TMEM62: variants seen among roughly 807,000 people sequenced by gnomAD.
The protein encoded by TMEM62 is transmembrane protein 62.
In TMEM62, 41 loss-of-function variants were observed where a neutral mutation model predicts 70.4. That is an observed-to-expected ratio of 0.58 (90% CI 0.45 to 0.76). The LOEUF is 0.76. TMEM62 is among the 30% of genes least tolerant of loss of function. The pLI, the probability that TMEM62 is intolerant of heterozygous loss-of-function variation, is 0.00. For missense variants in TMEM62, 688 were observed against 788.5 expected, an observed-to-expected ratio of 0.87 and a Z score of 1.53; for synonymous variants, 268 against 291.0, an observed-to-expected ratio of 0.92 and a Z score of 0.80.
At chr15:43,179,147 C>A (rs1478361627) in intron 12 of TMEM62, among the ~76,000 whole-genome samples, 1 of 152,070 alleles carries the variant, frequency 6.6e-6, no homozygotes, top group Non-Finnish European at 1.5e-5. Flanking sequence ...GCCTGTAGTT[C>A]CAGCTACTTG....
Position 43,178,715 on chromosome 15 carries a change from A to G in TMEM62, c.1486+4A>G. The G allele has an allele frequency of 6.5e-7, 1 of 1,549,100 alleles. No individual in the cohort carries two copies. The highest frequency in any genetic ancestry group is 8.8e-7 in the Non-Finnish European group (1 of 1,131,642). The stretch of plus-strand genomic sequence containing the variant: ...TTGACCCTGTATACAGTGCTGGGTA[A>G]GTAAATTAGTACAGATTATGGGGAA... On this transcript the variant is annotated splice_donor_region_variant and intron_variant, in intron 12 of 13. Coordinates refer to ENST00000260403, the MANE Select transcript of TMEM62 (RefSeq NM_024956.4).
chr15:43,184,473 T>TTGGAGAGACAC lies in TMEM62; in HGVS notation c.1821_1822insGAGAGACACTG (p.Arg608GlufsTer8), dbSNP rs751018881. ...CACCCTAGCTTTTTTATTCTCCCCT[T>TTGGAGAGACAC]TGCGGACCTGGTTGACACTGCTGAC... is the stretch of plus-strand genomic sequence containing the variant. On this transcript the variant is annotated frameshift_variant, in exon 14 of 14. Transcript: ENST00000260403. LOFTEE classifies it high-confidence loss of function. The TTGGAGAGACAC allele has an allele frequency of 1.2e-6, 2 of 1,614,204 alleles. No individual in the cohort carries two copies. Among genetic ancestry groups the TTGGAGAGACAC allele is most frequent in the Non-Finnish European group, 8.5e-7 (1 of 1,180,040 alleles).
chr15:43,145,500 T>A (rs1358232284), intron 4 of TMEM62, among the ~76,000 whole-genome samples: 2 of 152,128 alleles, frequency 1.3e-5, no homozygotes, highest in Admixed American at 1.3e-4. Flanking sequence ...CCACCGCGCC[T>A]GGCCCTGAAA....
chr15:43,162,946 T>C (rs905171707), intron 10 of TMEM62, among the ~76,000 whole-genome samples: 1 of 151,602 alleles, frequency 6.6e-6, no homozygotes, highest in African/African-American at 2.4e-5. Context: ...ATAAATTATT[T>C]ATTATTTATA....
In TMEM62 at chr15:43,149,040, C is replaced by T. The variant is rs778311588; in HGVS notation, c.755C>T (p.Ala252Val). The change falls in exon 7 of 14, where the codon GCT becomes GTT. Residue 252 changes from alanine (A) to valine (V), a missense_variant. Coordinates refer to ENST00000260403, the MANE Select transcript of TMEM62 (RefSeq NM_024956.4). The stretch of plus-strand genomic sequence containing the variant: ...TTTTCATTGGTTAGTTCGGCTATAG[C>T]TTATTTGTGTGGACATCTCCATACA... The part of the protein sequence containing the change: ...GIRSIMSSAI[A>V]YLCGHLHTLG... 3.1e-6 allele frequency: 5 copies of T among 1,614,006 alleles called. No homozygotes were observed. In the African/African-American group the frequency reaches 5.3e-5, roughly 17 times the overall value.
chr15:43,162,021 C>G (rs2038766553), intron 10 of TMEM62, among the ~76,000 whole-genome samples: 1 of 151,968 alleles, frequency 6.6e-6, no homozygotes, highest in Non-Finnish European at 1.5e-5. Flanking sequence ...TACCTTTATT[C>G]TCTTTTGCTG....
intron 13 of TMEM62, among the ~76,000 whole-genome samples, chr15:43,183,560 C>T (rs1308536164): frequency 6.6e-6 from 1 of 152,176 alleles, no homozygotes; most frequent in East Asian, 1.9e-4. Context: ...TCCTTCTGGC[C>T]TCTGAGAGCC....
intron 8 of TMEM62, among the ~76,000 whole-genome samples, chr15:43,152,587 GT>G (rs1400890238): frequency 6.6e-6 from 1 of 152,012 alleles, no homozygotes; most frequent in Non-Finnish European, 1.5e-5. Flanking sequence ...TAGAGAGAGG[GT>G]TTCACCGCGT....
At chr15:43,134,236 T>C in intron 1 of TMEM62, 21 bp from the exon 2 acceptor site, 2 of 1,609,920 alleles carry the variant, frequency 1.2e-6, no homozygotes, top group Non-Finnish European at 1.7e-6. Context: ...GATCTCTCTG[T>C]TCAATACCTG....
chr15:43,148,488 C>T lies in TMEM62; in HGVS notation c.619-267C>T, dbSNP rs1286804166. On this transcript the variant is annotated intron_variant, in intron 5 of 13. Coordinates refer to ENST00000260403, the MANE Select transcript of TMEM62 (RefSeq NM_024956.4). ...ACAAAGCTGTAAAGATTAGTGATGA[C>T]TTCATTTCGCAGTTTCCTTATCTAT... 3.9e-5 allele frequency among the ~76,000 whole-genome samples: 6 copies of T among 152,274 alleles called. No homozygotes were observed. In the East Asian group the frequency reaches 1.2e-3, roughly 29 times the overall value.
chr15:43,181,830 A>T (rs2041358748), intron 13 of TMEM62, among the ~76,000 whole-genome samples: 1 of 152,236 alleles, frequency 6.6e-6, no homozygotes, highest in Non-Finnish European at 1.5e-5. Context: ...TGAAGTGTTT[A>T]TAAGAGGTGA....
chr15:43,137,179 A>AT (rs2035344912), intron 3 of TMEM62, among the ~76,000 whole-genome samples: 1 of 152,234 alleles, frequency 6.6e-6, no homozygotes, highest in African/African-American at 2.4e-5. Context: ...TCCTGATGGT[A>AT]GTGTATTTGT....
At chr15:43,138,715 A>G (rs957025579) in intron 4 of TMEM62, 96 bp downstream of exon 4, 7 of 1,044,174 alleles carry the variant, frequency 6.7e-6, no homozygotes, top group Non-Finnish European at 8.7e-6. Context: ...TTAAAAAAAC[A>G]TTTTAAGAGG....
chr15:43,148,552 A>G (rs911282537), intron 5 of TMEM62, among the ~76,000 whole-genome samples: 34 of 152,328 alleles, frequency 2.2e-4, no homozygotes, highest in African/African-American at 7.9e-4. Flanking sequence ...TTGCAGAGTT[A>G]TTTTTAGTAT....
At position 43,167,268 on chromosome 15, in the gene TMEM62, C is replaced by A. The variant is rs961344299; in HGVS notation, c.1297-2325C>A. On this transcript the variant is annotated intron_variant, in intron 10 of 13. Transcript: ENST00000260403. ...CGGCTGGCCGAGCGGGGGGCTGACC[C>A]CCCCACCTCCCTCCCGGACGGGGTG... is the stretch of plus-strand genomic sequence containing the variant. 6.6e-5 allele frequency among the ~76,000 whole-genome samples: 10 copies of A among 151,812 alleles called. No individual in the cohort carries two copies. In the East Asian group the frequency reaches 1.4e-3, roughly 21 times the overall value.
At chr15:43,162,447 G>C (rs1234484797) in intron 10 of TMEM62, among the ~76,000 whole-genome samples, 1 of 111,242 alleles carries the variant, frequency 9.0e-6, no homozygotes, top group Non-Finnish European at 1.7e-5. Flanking sequence ...TTTTTTTTTT[G>C]TTGAGCTGGA....
In TMEM62 at chr15:43,133,790, G is replaced by C. The variant is rs544348336; in HGVS notation, c.-13G>C. The stretch of plus-strand genomic sequence containing the variant: ...CGGGATCAGCGAGGGCCGCGCCCCG[G>C]CGGGCGGGCGGCATGGCTGCAGTGC... On this transcript the variant is annotated 5_prime_UTR_variant, in exon 1 of 14. Coordinates refer to ENST00000260403, the MANE Select transcript of TMEM62 (RefSeq NM_024956.4). 1.5e-6 allele frequency: 2 copies of C among 1,356,854 alleles called. No individual in the cohort carries two copies. Among genetic ancestry groups the C allele is most frequent in the African/African-American group, 1.5e-5 (1 of 65,404 alleles). The allele number at this position is 1,356,854 out of a possible 1,614,324, so 84.1% of individuals were successfully genotyped here.
At chr15:43,179,126 C>T (rs1483150979) in intron 12 of TMEM62, among the ~76,000 whole-genome samples, 5 of 152,008 alleles carry the variant, frequency 3.3e-5, no homozygotes, top group Non-Finnish European at 7.4e-5. Flanking sequence ...TAGGCGGGTA[C>T]GGTGGCTCAT....
In TMEM62 at chr15:43,154,942, T is replaced by C. The variant is rs1199513418; in HGVS notation, c.1182+111T>C. ...AATGAAACCATGTTTAAAAAAAAAC[T>C]GGGGGCCGGGCATGGTGGCTCACGC... On this transcript the variant is annotated intron_variant, in intron 9 of 13. Coordinates refer to ENST00000260403, the MANE Select transcript of TMEM62 (RefSeq NM_024956.4). The C allele has an allele frequency of 4.0e-6, 4 of 1,010,238 alleles. No homozygotes were observed. In the Admixed American group the frequency reaches 9.2e-5, roughly 23 times the overall value. The allele number at this position is 1,010,238 out of a possible 1,614,324, so 62.6% of individuals were successfully genotyped here.
Sources: gnomAD v4.1 joint callset for allele counts (sites outside exome capture counted in the v4.1 genomes callset) on GRCh38, gnomAD v4.1.1 for gene constraint, MANE v1.5 for transcripts, NCBI Gene and HGNC (gene_info 2026-07-23, HGNC 2026-07-21) for gene names.